Variants in SGCD observed in about 807,000 individuals in gnomAD.
The protein encoded by SGCD is delta-sarcoglycan.
A neutral mutation model predicts 36.6 loss-of-function variants in SGCD; 18 were observed. The ratio of observed to expected loss-of-function variants is 0.49; its 90% CI spans 0.34 to 0.73. The LOEUF (loss-of-function observed/expected upper bound fraction) is 0.73, where lower values mean the gene tolerates loss of function less well. Ranked by LOEUF, SGCD falls within the 30% of genes least tolerant of loss-of-function variation. The pLI is 0.01. For missense variants in SGCD, 387 were observed against 346.7 expected (o/e 1.12, Z -0.92); for synonymous variants, 133 against 130.6 (o/e 1.02, Z -0.12).
chr5:156,157,974 T>C (rs1264045582), intron 3 of SGCD, among the ~76,000 whole-genome samples: 2 of 151,532 alleles, frequency 1.3e-5, no homozygotes, highest in East Asian at 1.9e-4. Flanking sequence ...ATTATGTGAG[T>C]CGCTCAAACT....
intron 3 of SGCD, among the ~76,000 whole-genome samples, chr5:156,156,278 T>C (rs1181650860): frequency 6.6e-6 from 1 of 151,516 alleles, no homozygotes; most frequent in African/African-American, 2.4e-5. Flanking sequence ...GCTTCCTTAG[T>C]CGTTGTTCAT....
At chr5:156,087,111 T>A (rs1279464387) in intron 1 of SGCD, among the ~76,000 whole-genome samples, 8 of 152,260 alleles carry the variant, frequency 5.3e-5, no homozygotes, top group Admixed American at 3.9e-4. Flanking sequence ...CAAAGAAGTA[T>A]GCCTATTCCT....
intron 3 of SGCD, among the ~76,000 whole-genome samples, chr5:156,505,532 G>A (rs1190839232): frequency 6.6e-6 from 1 of 152,164 alleles, no homozygotes; most frequent in African/African-American, 2.4e-5. Flanking sequence ...ATAACATAGT[G>A]AGGTAGGTTG....
intron 2 of SGCD, among the ~76,000 whole-genome samples, chr5:156,122,722 G>T (rs1762072269): frequency 6.6e-6 from 1 of 151,562 alleles, no homozygotes. Context: ...TTTGAGCAGG[G>T]GAGTGTCATT....
chr5:155,852,015 G>A, the SGCD span, among the ~76,000 whole-genome samples: 6 of 152,206 alleles, frequency 3.9e-5, no homozygotes, highest in Non-Finnish European at 7.3e-5. Flanking sequence ...CTAGCGCAGA[G>A]CCTGGAACAT....
At chr5:156,649,628 G>A (rs567790271) in intron 7 of SGCD, among the ~76,000 whole-genome samples, 39 of 150,772 alleles carry the variant, frequency 2.6e-4, no homozygotes, top group East Asian at 5.9e-4. Context: ...ACCAAACACC[G>A]CATGTTCTCA....
intron 1 of SGCD, among the ~76,000 whole-genome samples, chr5:155,874,256 A>T (rs1364347287): frequency 1.3e-5 from 2 of 152,134 alleles, no homozygotes; most frequent in African/African-American, 4.8e-5. Context: ...CTTTTTTTAC[A>T]ACTTACCATG....
chr5:156,280,203 TAG>T (rs1766417101), intron 3 of SGCD, among the ~76,000 whole-genome samples: 1 of 152,294 alleles, frequency 6.6e-6, no homozygotes, highest in South Asian at 2.1e-4. Context: ...CAACTGGCAA[TAG>T]TGTCATGCCT....
chr5:156,065,363 G>T (rs1760313862), intron 1 of SGCD, among the ~76,000 whole-genome samples: 1 of 119,258 alleles, frequency 8.4e-6, no homozygotes, highest in Non-Finnish European at 1.7e-5. Context: ...CAACTATGTG[G>T]TCAATTTTGG....
At chr5:155,750,474 A>G in the SGCD span, among the ~76,000 whole-genome samples, 1 of 152,142 alleles carries the variant, frequency 6.6e-6, no homozygotes. Flanking sequence ...GAGATGCATG[A>G]AAGGATGCAT....
chr5:156,564,196 T>C (rs1382460398), intron 4 of SGCD, among the ~76,000 whole-genome samples: 1 of 152,192 alleles, frequency 6.6e-6, no homozygotes, highest in Non-Finnish European at 1.5e-5. Context: ...ATGCCTGTAA[T>C]CCCAGCACTT....
At chr5:155,970,354 G>A (rs1175690913) in intron 1 of SGCD, among the ~76,000 whole-genome samples, 1 of 151,962 alleles carries the variant, frequency 6.6e-6, no homozygotes, top group African/African-American at 2.4e-5. Flanking sequence ...GTTTATTAGG[G>A]CATTTATATA....
At chr5:155,827,405 C>T in the SGCD span, among the ~76,000 whole-genome samples, 1 of 152,174 alleles carries the variant, frequency 6.6e-6, no homozygotes, top group Non-Finnish European at 1.5e-5. Context: ...GTGTATGACT[C>T]TCATCTCAGA....
chr5:156,584,122 A>T (rs1057087186), intron 4 of SGCD, among the ~76,000 whole-genome samples: 1 of 152,162 alleles, frequency 6.6e-6, no homozygotes, highest in Non-Finnish European at 1.5e-5. Flanking sequence ...GCAATATTAA[A>T]TTTTTCTATC....
intron 1 of SGCD, among the ~76,000 whole-genome samples, chr5:155,928,666 C>CAAAAA (rs58548934): frequency 1.5e-5 from 1 of 68,210 alleles, no homozygotes; most frequent in Non-Finnish European, 2.6e-5. Flanking sequence ...GACTCTGTCT[C>CAAAAA]AAAAAAAAAA....
At chr5:156,300,971 T>C (rs62380673) in intron 3 of SGCD, among the ~76,000 whole-genome samples, 1 of 151,954 alleles carries the variant, frequency 6.6e-6, no homozygotes, top group Non-Finnish European at 1.5e-5. Context: ...TCTTTTTCCA[T>C]CCCTCTGTTT....
At chr5:156,292,740 C>T (rs754458223) in intron 3 of SGCD, among the ~76,000 whole-genome samples, 3 of 152,078 alleles carry the variant, frequency 2.0e-5, no homozygotes, top group Non-Finnish European at 2.9e-5. Context: ...ATTCCAGTTT[C>T]TACACATCCT....
the SGCD span, among the ~76,000 whole-genome samples, chr5:155,738,008 C>A: frequency 6.6e-6 from 1 of 152,036 alleles, no homozygotes; most frequent in Non-Finnish European, 1.5e-5. Flanking sequence ...AGATCCTGGA[C>A]GAGGGAAGAA....
At chr5:155,952,332 G>A (rs1375782147) in intron 1 of SGCD, among the ~76,000 whole-genome samples, 1 of 151,980 alleles carries the variant, frequency 6.6e-6, no homozygotes, top group Non-Finnish European at 1.5e-5. Context: ...CAAAGTGGAT[G>A]TTTTCCTGCT....
Sources: gnomAD v4.1 joint callset for allele counts (sites outside exome capture counted in the v4.1 genomes callset) on GRCh38, gnomAD v4.1.1 for gene constraint, MANE v1.5 for transcripts, NCBI Gene and HGNC (gene_info 2026-07-23, HGNC 2026-07-21) for gene names.